Variants in MOB3B observed in about 807,000 individuals in gnomAD.
MOB3B encodes MOB kinase activator-like 2B.
Under a neutral mutation model 18.7 loss-of-function variants are expected in MOB3B, and 7 were observed. The observed-to-expected ratio is 0.37, with a 90% CI of 0.21 to 0.70. MOB3B has a LOEUF of 0.70. Ranked by LOEUF, MOB3B falls within the 30% of genes least tolerant of loss-of-function variation. MOB3B has a pLI of 0.52. For synonymous variants in MOB3B, 111 were observed against 99.9 expected (o/e 1.11, Z -0.66); for missense variants, 253 against 281.3 (o/e 0.90, Z 0.72).
At chr9:27,340,875 C>T (rs1820930580) in intron 3 of MOB3B, among the ~76,000 whole-genome samples, 1 of 152,216 alleles carries the variant, frequency 6.6e-6, no homozygotes, top group African/African-American at 2.4e-5. Context: ...AGTCTGCCTC[C>T]CTCCTTCTCA....
chr9:27,513,926 T>TGGATGGATGGATG (rs200817555), intron 1 of MOB3B, among the ~76,000 whole-genome samples: 33 of 24,316 alleles, frequency 1.4e-3, no homozygotes, highest in Admixed American at 2.7e-3. Flanking sequence ...GATGGATGGA[T>TGGATGGATGGATG]GGTGGGTGGG....
intron 2 of MOB3B, among the ~76,000 whole-genome samples, chr9:27,405,270 G>C (rs1821950092): frequency 6.6e-6 from 1 of 151,740 alleles, no homozygotes; most frequent in South Asian, 2.1e-4. Flanking sequence ...ACCATGCCCG[G>C]TTAGTTTTTG....
chr9:27,398,842 A>G (rs114044023), intron 2 of MOB3B, among the ~76,000 whole-genome samples: 228 of 152,324 alleles, frequency 1.5e-3, no homozygotes, highest in African/African-American at 5.2e-3. Context: ...GTTGTGGCAA[A>G]TTACTCAAAA....
chr9:27,377,740 A>C (rs903435273), intron 2 of MOB3B, among the ~76,000 whole-genome samples: 8 of 152,270 alleles, frequency 5.3e-5, no homozygotes, highest in Admixed American at 2.0e-4. Context: ...AAAAAGTTTT[A>C]AAAACTAGCG....
chr9:27,419,197 G>C (rs1822203179), intron 2 of MOB3B, among the ~76,000 whole-genome samples: 1 of 151,968 alleles, frequency 6.6e-6, no homozygotes. Flanking sequence ...CTCATGGATG[G>C]GTAGAATCAA....
intron 3 of MOB3B, among the ~76,000 whole-genome samples, chr9:27,330,996 T>C (rs1326190458): frequency 6.6e-6 from 1 of 152,192 alleles, no homozygotes; most frequent in Non-Finnish European, 1.5e-5. Flanking sequence ...GCAGGAGCCA[T>C]GTAGCACTTA....
intron 2 of MOB3B, among the ~76,000 whole-genome samples, chr9:27,447,251 G>A (rs1379435876): frequency 6.6e-6 from 1 of 152,150 alleles, no homozygotes; most frequent in Non-Finnish European, 1.5e-5. Flanking sequence ...GCCCTCTGGT[G>A]TCAGGGCCCT....
Position 27,463,910 on chromosome 9 carries a change from T to C in MOB3B, c.-198-8162A>G, listed in dbSNP as rs115454312. Among the ~76,000 whole-genome samples the C allele has an allele frequency of 2.7e-3, 410 of 152,052 alleles. 1 individual carries two copies. Among genetic ancestry groups the C allele is most frequent in the African/African-American group, 9.1e-3 (379 of 41,452 alleles). On this transcript the variant is annotated intron_variant, in intron 1 of 3. Transcript: ENST00000262244. ...ATGTCCAGACTGCAGTGAGCCATGATTGCACCACCGTGCTCCAGCCTGGGC... is the reference window on the plus strand; with the variant it reads ...ATGTCCAGACTGCAGTGAGCCATGACTGCACCACCGTGCTCCAGCCTGGGC...
chr9:27,524,639 C>A lies in MOB3B; in HGVS notation c.-199+4916G>T, dbSNP rs1250405492. 1.9e-6 allele frequency: 3 copies of A among 1,613,952 alleles called. No individual in the cohort carries two copies. The African/African-American group carries it at 4.0e-5, about 22-fold the overall frequency. On this transcript the variant is annotated intron_variant, in intron 1 of 3. Coordinates refer to ENST00000262244, the MANE Select transcript of MOB3B (RefSeq NM_024761.5). Reference sequence around the variant, plus strand: ...AGGCCTTCAACATCTTCAGCCAACACACCTTCAAATATTGGAAAGAGAGAC... The same window carrying A: ...AGGCCTTCAACATCTTCAGCCAACAAACCTTCAAATATTGGAAAGAGAGAC...
At chr9:27,396,567 T>C (rs1278690034) in intron 2 of MOB3B, among the ~76,000 whole-genome samples, 1 of 152,204 alleles carries the variant, frequency 6.6e-6, no homozygotes, top group Non-Finnish European at 1.5e-5. Flanking sequence ...TAATCATATT[T>C]CCTTACTACT....
At chr9:27,425,732 G>A (rs188954576) in intron 2 of MOB3B, among the ~76,000 whole-genome samples, 2,978 of 152,024 alleles carry the variant, frequency 0.02, 82 homozygotes, top group African/African-American at 0.066. Context: ...AGGGGTCAAG[G>A]GTTCAGTGTG....
Position 27,329,657 on chromosome 9 carries a change from TAG to T in MOB3B, c.*928_*929del, listed in dbSNP as rs1404850133. 2 of 152,628 alleles carry T rather than the reference TAG, an allele frequency of 1.3e-5. No individual in the cohort carries two copies. Among genetic ancestry groups the T allele is most frequent in the African/African-American group, 4.8e-5 (2 of 41,440 alleles). 9.5% of individuals were successfully genotyped at this position (152,628 alleles called of 1,614,324 possible). ...TTTTCACTGAAATGTTAGTATTATG[TAG>T]AGACAGCCACGACTCCCTGTCTTTA... On this transcript the variant is annotated 3_prime_UTR_variant, in exon 4 of 4. Coordinates refer to ENST00000262244, the MANE Select transcript of MOB3B (RefSeq NM_024761.5).
chr9:27,455,639 C>A lies in MOB3B; in HGVS notation c.-89G>T. Reference sequence around the variant, plus strand: ...GAGATCACAGCCCAACAGTGTTTTCCACTGCCAGCACTCAGGCCCCAGTCT... The same window carrying A: ...GAGATCACAGCCCAACAGTGTTTTCAACTGCCAGCACTCAGGCCCCAGTCT... On this transcript the variant is annotated 5_prime_UTR_variant, in exon 2 of 4. Transcript: ENST00000262244. The A allele has an allele frequency of 6.3e-7, 1 of 1,581,210 alleles. No homozygotes were observed.
In MOB3B at chr9:27,378,246, G is replaced by C. The variant is rs138418338; in HGVS notation, c.419-19010C>G. Reference sequence around the variant, plus strand: ...ATGAGTAGAAGAGTCTTTGCTTCTAGACTGAAAAGACTGTGTGTGACTGAG... The same window carrying C: ...ATGAGTAGAAGAGTCTTTGCTTCTACACTGAAAAGACTGTGTGTGACTGAG... On this transcript the variant is annotated intron_variant, in intron 2 of 3. Transcript: ENST00000262244. 2.2e-4 allele frequency: 91 copies of C among 419,022 alleles called. 1 individual carries two copies. In the East Asian group the frequency reaches 6.4e-3, roughly 29 times the overall value. 26.0% of individuals were successfully genotyped at this position (419,022 alleles called of 1,614,324 possible). A position where few individuals can be genotyped will look rare whatever the true frequency, so the allele number is the denominator to read the frequency against.
chr9:27,469,886 G>C (rs1037345072), intron 1 of MOB3B, among the ~76,000 whole-genome samples: 2 of 151,934 alleles, frequency 1.3e-5, no homozygotes, highest in African/African-American at 4.8e-5. Context: ...AGGAATTAGA[G>C]ACCAGCCTGG....
chr9:27,391,209 G>T (rs1821723137), intron 2 of MOB3B, among the ~76,000 whole-genome samples: 1 of 152,168 alleles, frequency 6.6e-6, no homozygotes, highest in African/African-American at 2.4e-5. Context: ...ACGTTCACAG[G>T]ATGGTGTTTG....
intron 1 of MOB3B, among the ~76,000 whole-genome samples, chr9:27,506,327 C>T (rs960688478): frequency 6.6e-5 from 10 of 152,166 alleles, no homozygotes; most frequent in Admixed American, 6.5e-4. Flanking sequence ...CTTTCAACTA[C>T]TACTCACTTG....
At chr9:27,420,770 C>A (rs1822237719) in intron 2 of MOB3B, among the ~76,000 whole-genome samples, 5 of 150,572 alleles carry the variant, frequency 3.3e-5, no homozygotes, top group Admixed American at 3.3e-4. Context: ...AAGAATGATA[C>A]AACGGACTTC....
chr9:27,428,996 G>A (rs968155468), intron 2 of MOB3B, among the ~76,000 whole-genome samples: 4 of 152,142 alleles, frequency 2.6e-5, no homozygotes, highest in African/African-American at 9.7e-5. Flanking sequence ...ATGACATTCT[G>A]ATCACCCTCA....
Sources: allele counts gnomAD v4.1 joint callset (sites outside exome capture counted in the v4.1 genomes callset), GRCh38; gene constraint gnomAD v4.1.1; transcripts MANE v1.5; gene names NCBI Gene and HGNC (gene_info 2026-07-23, HGNC 2026-07-21).